Variants in NCKAP5 observed in about 807,000 individuals in gnomAD.
NCKAP5 encodes nck-associated protein 5.
NCKAP5 carries 92 observed loss-of-function variants against 167.0 expected under a neutral mutation model. The ratio of observed to expected loss-of-function variants is 0.55; its 90% CI spans 0.47 to 0.66. The LOEUF is 0.66. Among genes scored for constraint, NCKAP5 ranks in the 30% least tolerant of loss-of-function variants. NCKAP5 has a pLI of 0.00. For missense variants in NCKAP5, 2,378 were observed against 2,315.0 expected (o/e 1.03, Z -0.56); for synonymous variants, 891 against 877.4 (o/e 1.02, Z -0.27).
upstream of NCKAP5, among the ~76,000 whole-genome samples, chr2:133,572,598 C>T (rs1688906894): frequency 6.6e-6 from 1 of 152,158 alleles, no homozygotes; most frequent in Admixed American, 6.5e-5. Context: ...TGCACTGAGC[C>T]TTTAGTAATG....
At chr2:132,921,515 C>T (rs1307586023) in intron 8 of NCKAP5, among the ~76,000 whole-genome samples, 2 of 152,106 alleles carry the variant, frequency 1.3e-5, no homozygotes, top group South Asian at 2.1e-4. Flanking sequence ...AAGTAAAGAG[C>T]CATTGCAATG....
chr2:132,930,859 G>A (rs747855903), intron 8 of NCKAP5: 1 of 152,134 alleles, frequency 6.6e-6, no homozygotes, highest in Non-Finnish European at 1.5e-5. Flanking sequence ...ACTAAATGTA[G>A]GGTCCCAGTA....
At chr2:132,673,717 A>T (rs1028852973) in intron 19 of NCKAP5, among the ~76,000 whole-genome samples, 8 of 151,552 alleles carry the variant, frequency 5.3e-5, no homozygotes, top group Non-Finnish European at 8.8e-5. Flanking sequence ...TTTTTCTAAT[A>T]AAAAAAAGAC....
intron 4 of NCKAP5, among the ~76,000 whole-genome samples, chr2:133,221,081 C>CTGT (rs545979619): frequency 1.2e-3 from 180 of 150,132 alleles, no homozygotes; most frequent in African/African-American, 4.3e-3. Context: ...GTCAAGCAAA[C>CTGT]TGTTAATATG....
rs374396477 is a variant in NCKAP5 at position 133,179,232 on chromosome 2, G to GT, written c.207+34483dup. 4.6e-3 allele frequency among the ~76,000 whole-genome samples: 623 copies of GT among 136,144 alleles called. 3 individuals are homozygous for GT. Among genetic ancestry groups the GT allele is most frequent in the East Asian group, 0.022 (103 of 4,634 alleles). 89.3% of individuals were successfully genotyped at this position (136,144 alleles called of 152,430 possible). ...TGGAACCAGAATTGTTTCAGATTTGGTTTTTTTTTTTTTTTGGATTTTGCA... is the reference window on the plus strand; with the variant it reads ...TGGAACCAGAATTGTTTCAGATTTGGTTTTTTTTTTTTTTTTGGATTTTGCA... On this transcript the variant is annotated intron_variant, in intron 5 of 19. Coordinates refer to ENST00000409261, the MANE Select transcript of NCKAP5 (RefSeq NM_207363.3).
At chr2:133,277,434 T>C (rs2089773895) in intron 4 of NCKAP5, among the ~76,000 whole-genome samples, 1 of 152,088 alleles carries the variant, frequency 6.6e-6, no homozygotes, top group Non-Finnish European at 1.5e-5. Flanking sequence ...GATGAATAAA[T>C]ATGTAGGGAA....
intron 6 of NCKAP5, among the ~76,000 whole-genome samples, chr2:133,110,807 G>T (rs1050045884): frequency 1.3e-5 from 2 of 152,148 alleles, no homozygotes; most frequent in African/African-American, 4.8e-5. Flanking sequence ...CACAGACTGG[G>T]GGGCTTCAAC....
At chr2:133,574,924 G>T in the NCKAP5 span, among the ~76,000 whole-genome samples, 1 of 152,176 alleles carries the variant, frequency 6.6e-6, no homozygotes, top group African/African-American at 2.4e-5. Context: ...GGGCTCTAGG[G>T]GTGAGCAAGG....
At chr2:132,998,437 A>C (rs1355960952) in intron 6 of NCKAP5, among the ~76,000 whole-genome samples, 1 of 152,164 alleles carries the variant, frequency 6.6e-6, no homozygotes, top group African/African-American at 2.4e-5. Context: ...ATCAAAACCA[A>C]TTACATTTCC....
At chr2:133,099,922 A>C (rs1315553576) in intron 6 of NCKAP5, among the ~76,000 whole-genome samples, 1 of 152,218 alleles carries the variant, frequency 6.6e-6, no homozygotes, top group Non-Finnish European at 1.5e-5. Flanking sequence ...TTTGCGCTAC[A>C]AAGTCAGAAT....
chr2:132,794,876 A>T (rs953731144), intron 12 of NCKAP5, among the ~76,000 whole-genome samples: 1 of 152,140 alleles, frequency 6.6e-6, no homozygotes, highest in Non-Finnish European at 1.5e-5. Flanking sequence ...TGGCTTCTGG[A>T]GAGACATATT....
At chr2:133,077,331 T>C (rs2080639753) in intron 6 of NCKAP5, among the ~76,000 whole-genome samples, 1 of 152,170 alleles carries the variant, frequency 6.6e-6, no homozygotes, top group East Asian at 1.9e-4. Context: ...TAAAAACGGA[T>C]GCTTCTAGAC....
chr2:132,767,473 T>C (rs556451056), intron 16 of NCKAP5, among the ~76,000 whole-genome samples: 1 of 152,282 alleles, frequency 6.6e-6, no homozygotes, highest in African/African-American at 2.4e-5. Context: ...CTCGAACTCC[T>C]GACCTTAGGT....
the NCKAP5 span, among the ~76,000 whole-genome samples, chr2:133,658,069 C>T: frequency 0.029 from 4,393 of 152,180 alleles, 109 homozygotes; most frequent in Non-Finnish European, 0.045. Context: ...TAGCCCTCCC[C>T]TAACAGAGTT....
intron 4 of NCKAP5, among the ~76,000 whole-genome samples, chr2:133,300,642 GCTAT>G (rs1341771841): frequency 1.7e-4 from 21 of 125,784 alleles, no homozygotes; most frequent in African/African-American, 6.3e-4. Flanking sequence ...AATAATAAGA[GCTAT>G]CTATGACAAA....
At chr2:133,558,954 G>A (rs1217124656) in intron 2 of NCKAP5, 96 bp downstream of exon 2, 1 of 151,958 alleles carries the variant, frequency 6.6e-6, no homozygotes, top group Non-Finnish European at 1.5e-5. Context: ...TGAAGTACAA[G>A]GGCCTACGTC....
chr2:133,390,257 C>T (rs1296352318), intron 3 of NCKAP5, among the ~76,000 whole-genome samples: 1 of 152,174 alleles, frequency 6.6e-6, no homozygotes, highest in African/African-American at 2.4e-5. Context: ...AGAAAGACTC[C>T]TTCCAGTGTC....
At chr2:133,434,968 T>A (rs747769906) in intron 3 of NCKAP5, among the ~76,000 whole-genome samples, 2 of 152,208 alleles carry the variant, frequency 1.3e-5, no homozygotes, top group Admixed American at 6.5e-5. Context: ...AGGAGAACTA[T>A]AGAAGACAAG....
chr2:133,575,386 A>C, the NCKAP5 span, among the ~76,000 whole-genome samples: 1 of 152,238 alleles, frequency 6.6e-6, no homozygotes, highest in African/African-American at 2.4e-5. Flanking sequence ...AACAAAGGAG[A>C]ATAACCACTC....
Sources: gnomAD v4.1 joint callset for allele counts (sites outside exome capture counted in the v4.1 genomes callset) on GRCh38, gnomAD v4.1.1 for gene constraint, MANE v1.5 for transcripts, NCBI Gene and HGNC (gene_info 2026-07-23, HGNC 2026-07-21) for gene names.